The following NDST3 variants were observed in gnomAD, a reference collection of about 807,000 sequenced individuals.
NDST3 encodes bifunctional heparan sulfate N-deacetylase/N-sulfotransferase 3.
In NDST3, 58 loss-of-function variants were observed where a neutral mutation model predicts 96.1. The ratio of observed to expected loss-of-function variants is 0.60; its 90% confidence interval spans 0.49 to 0.75. NDST3 has a LOEUF of 0.75. Among genes scored for constraint, NDST3 ranks in the 30% least tolerant of loss-of-function variants. NDST3 has a pLI of 0.00. For synonymous variants in NDST3, 333 were observed against 359.7 expected (o/e 0.93, Z 0.84); for missense variants, 788 against 1,034.2 (o/e 0.76, Z 3.27).
intron 2 of NDST3, among the ~76,000 whole-genome samples, chr4:118,075,208 A>G (rs1036464182): frequency 2.0e-5 from 3 of 152,286 alleles, no homozygotes; most frequent in Non-Finnish European, 4.4e-5. Context: ...AGCTTCATCC[A>G]CGTCACTACA....
At chr4:118,234,877 A>G (rs1740533984) in intron 9 of NDST3, among the ~76,000 whole-genome samples, 1 of 151,976 alleles carries the variant, frequency 6.6e-6, no homozygotes, top group African/African-American at 2.4e-5. Flanking sequence ...TAAAAATACA[A>G]AAATTAGCTG....
chr4:118,158,474 C>G (rs1734858502), intron 6 of NDST3, among the ~76,000 whole-genome samples: 1 of 152,118 alleles, frequency 6.6e-6, no homozygotes, highest in Admixed American at 6.6e-5. Context: ...AAGGAGAGTT[C>G]TTCTGTAGAA....
At chr4:118,158,032 T>C (rs1032975402) in intron 6 of NDST3, among the ~76,000 whole-genome samples, 17 of 152,106 alleles carry the variant, frequency 1.1e-4, no homozygotes, top group Non-Finnish European at 2.1e-4. Context: ...AATGAATATA[T>C]TGATGCTGTT....
At chr4:118,130,765 G>T (rs1304185962) in intron 4 of NDST3, among the ~76,000 whole-genome samples, 7 of 152,108 alleles carry the variant, frequency 4.6e-5, no homozygotes, top group Non-Finnish European at 1.0e-4. Flanking sequence ...TGGTGTTGAT[G>T]AAATTCCTCA....
chr4:118,218,108 G>A (rs1327088274), intron 6 of NDST3, among the ~76,000 whole-genome samples: 1 of 152,118 alleles, frequency 6.6e-6, no homozygotes, highest in Non-Finnish European at 1.5e-5. Flanking sequence ...AATTCTACCA[G>A]AGGTAAAAAG....
At chr4:118,092,188 A>G (rs943213209) in intron 2 of NDST3, among the ~76,000 whole-genome samples, 2 of 150,084 alleles carry the variant, frequency 1.3e-5, no homozygotes, top group African/African-American at 4.9e-5. Context: ...CATTAGGTAT[A>G]TCTCCTAATG....
At chr4:118,193,687 A>G (rs1420472970) in intron 6 of NDST3, 5 of 1,320,020 alleles carry the variant, frequency 3.8e-6, no homozygotes, top group Non-Finnish European at 5.5e-6. Context: ...AGTCATTCAC[A>G]GCCAGGTGGG....
intron 6 of NDST3, among the ~76,000 whole-genome samples, chr4:118,173,347 G>A (rs1488232592): frequency 1.3e-5 from 2 of 152,060 alleles, no homozygotes; most frequent in Non-Finnish European, 2.9e-5. Flanking sequence ...TTTGTTGATA[G>A]ACTACCCCTG....
intron 6 of NDST3, among the ~76,000 whole-genome samples, chr4:118,217,478 C>T (rs909367626): frequency 6.6e-6 from 1 of 152,060 alleles, no homozygotes; most frequent in African/African-American, 2.4e-5. Context: ...CAGAATGAGA[C>T]GTGCTCATGT....
chr4:118,038,307 T>C (rs1345730651), intron 1 of NDST3, among the ~76,000 whole-genome samples: 2 of 152,194 alleles, frequency 1.3e-5, no homozygotes, highest in African/African-American at 4.8e-5. Context: ...GTAGTTTTCT[T>C]CTCTTGCATC....
intron 2 of NDST3, among the ~76,000 whole-genome samples, chr4:118,072,809 T>C (rs903209771): frequency 1.3e-5 from 2 of 152,144 alleles, no homozygotes; most frequent in Non-Finnish European, 2.9e-5. Context: ...TTGTTCCAGT[T>C]GTCAAAGGGT....
intron 6 of NDST3, among the ~76,000 whole-genome samples, chr4:118,179,794 A>C (rs1736489905): frequency 6.6e-6 from 1 of 152,092 alleles, no homozygotes; most frequent in Admixed American, 6.6e-5. Context: ...AGATACTAAA[A>C]AGTTCTCCAG....
chr4:118,193,514 T>C (rs1019733606), intron 6 of NDST3: 2 of 964,160 alleles, frequency 2.1e-6, no homozygotes. Flanking sequence ...CTTGGCCTTG[T>C]TCTCTTCCTC....
intron 12 of NDST3, 94 bp downstream of exon 12, chr4:118,242,243 T>C (rs1269981843): frequency 1.3e-6 from 1 of 769,258 alleles, no homozygotes; most frequent in Non-Finnish European, 2.2e-6. Context: ...AGGTTACTTG[T>C]TCCTTATATA....
At chr4:118,126,641 C>T (rs1234953597) in intron 4 of NDST3, among the ~76,000 whole-genome samples, 1 of 151,648 alleles carries the variant, frequency 6.6e-6, no homozygotes, top group African/African-American at 2.4e-5. Context: ...GTAAACAGTG[C>T]TGCAACGAAC....
At chr4:118,124,908 A>G (rs370113429) in intron 4 of NDST3, among the ~76,000 whole-genome samples, 2 of 152,134 alleles carry the variant, frequency 1.3e-5, no homozygotes, top group African/African-American at 4.8e-5. Flanking sequence ...ATCTTGTGAG[A>G]CAAAGAATAT....
At chr4:118,138,328 C>T in intron 5 of NDST3, 89 bp downstream of exon 5, 1 of 1,194,916 alleles carries the variant, frequency 8.4e-7, no homozygotes, top group Non-Finnish European at 1.2e-6. Flanking sequence ...ATGTTAGCAG[C>T]ATAAATGTAG....
intron 11 of NDST3, 95 bp downstream of exon 11, chr4:118,240,789 C>G (rs41278065): frequency 0.023 from 27,114 of 1,154,092 alleles, 404 homozygotes; most frequent in South Asian, 0.034. Context: ...TAAACTATTA[C>G]TAGTTTTTCC....
chr4:118,105,324 T>C (rs1180859931), intron 3 of NDST3, among the ~76,000 whole-genome samples: 2 of 152,186 alleles, frequency 1.3e-5, no homozygotes, highest in African/African-American at 2.4e-5. Context: ...TATTGAATTA[T>C]AATTTACATA....
Sources: gnomAD v4.1 joint callset for allele counts (sites outside exome capture counted in the v4.1 genomes callset) on GRCh38, gnomAD v4.1.1 for gene constraint, MANE v1.5 for transcripts, NCBI Gene and HGNC (gene_info 2026-07-23, HGNC 2026-07-21) for gene names.